Variants in DOK5 observed in about 807,000 individuals in gnomAD.
DOK5 encodes the protein docking protein 5, also known as downstream of tyrosine kinase 5.
In DOK5, 27 loss-of-function variants were observed where a neutral mutation model predicts 43.3. That is an observed-to-expected ratio of 0.62 (90% CI 0.46 to 0.86). DOK5 has a LOEUF of 0.86. DOK5 is among the 40% of genes least tolerant of loss of function. DOK5 has a pLI of 0.00. For synonymous variants in DOK5, 146 were observed against 140.1 expected (o/e 1.04, Z -0.30); for missense variants, 373 against 392.9 (o/e 0.95, Z 0.43).
chr20:54,626,693 C>T (rs984695376), intron 6 of DOK5, among the ~76,000 whole-genome samples: 1 of 152,146 alleles, frequency 6.6e-6, no homozygotes, highest in Non-Finnish European at 1.5e-5. Flanking sequence ...GACACATACA[C>T]AGATACATAC....
intron 1 of DOK5, among the ~76,000 whole-genome samples, chr20:54,518,889 C>G (rs938188315): frequency 6.6e-6 from 1 of 152,098 alleles, no homozygotes; most frequent in African/African-American, 2.4e-5. Context: ...AACAAGTGGG[C>G]GAAGGTTATG....
intron 5 of DOK5, among the ~76,000 whole-genome samples, chr20:54,607,637 A>G (rs6014083): frequency 2.0e-5 from 3 of 152,132 alleles, no homozygotes; most frequent in Non-Finnish European, 4.4e-5. Flanking sequence ...CTGTAATCCC[A>G]GCACTTTGGG....
chr20:54,618,582 G>T (rs374247529), intron 6 of DOK5, among the ~76,000 whole-genome samples: 31 of 151,994 alleles, frequency 2.0e-4, no homozygotes, highest in African/African-American at 7.5e-4. Flanking sequence ...TGACCTTGTG[G>T]TCTGCCCGCC....
At chr20:54,626,673 T>C (rs1600748252) in intron 6 of DOK5, among the ~76,000 whole-genome samples, 1 of 152,338 alleles carries the variant, frequency 6.6e-6, no homozygotes, top group East Asian at 1.9e-4. Flanking sequence ...CACATCTACA[T>C]ATATACATAG....
intron 1 of DOK5, among the ~76,000 whole-genome samples, chr20:54,480,293 A>C (rs903020743): frequency 9.8e-5 from 15 of 152,324 alleles, no homozygotes; most frequent in African/African-American, 3.6e-4. Flanking sequence ...GATACAGGTC[A>C]TAAAGACCTT....
At chr20:54,609,926 T>C (rs1986589836) in intron 5 of DOK5, among the ~76,000 whole-genome samples, 2 of 152,172 alleles carry the variant, frequency 1.3e-5, no homozygotes, top group Admixed American at 1.3e-4. Context: ...ATCCTTAAAG[T>C]CATGGTCTGT....
At chr20:54,542,221 G>A (rs1395835942) in intron 1 of DOK5, among the ~76,000 whole-genome samples, 2 of 151,884 alleles carry the variant, frequency 1.3e-5, no homozygotes, top group African/African-American at 4.8e-5. Context: ...CATAGCCATA[G>A]CCCCTGTACC....
At chr20:54,618,576 C>G (rs1185713515) in intron 6 of DOK5, among the ~76,000 whole-genome samples, 1 of 152,136 alleles carries the variant, frequency 6.6e-6, no homozygotes, top group Non-Finnish European at 1.5e-5. Flanking sequence ...AACTCCTGAC[C>G]TTGTGGTCTG....
chr20:54,631,301 T>C (rs1978554998), intron 6 of DOK5, among the ~76,000 whole-genome samples: 1 of 152,042 alleles, frequency 6.6e-6, no homozygotes, highest in African/African-American at 2.4e-5. Flanking sequence ...TAGTCCCAGC[T>C]ACTTGTCGGG....
chr20:54,601,063 G>A (rs183940945), intron 5 of DOK5, among the ~76,000 whole-genome samples: 1 of 152,190 alleles, frequency 6.6e-6, no homozygotes, highest in East Asian at 1.9e-4. Context: ...AAAGCCAGAA[G>A]GATTTACTGA....
intron 1 of DOK5, among the ~76,000 whole-genome samples, chr20:54,524,040 G>C (rs1983501106): frequency 6.6e-6 from 1 of 151,900 alleles, no homozygotes; most frequent in Non-Finnish European, 1.5e-5. Context: ...TGTTAAATGG[G>C]GGTTAACAAT....
At chr20:54,649,034 G>A (rs776967761) in intron 7 of DOK5, among the ~76,000 whole-genome samples, 10 of 152,138 alleles carry the variant, frequency 6.6e-5, no homozygotes, top group South Asian at 2.1e-4. Context: ...ATCATAGATC[G>A]GACCTAAGAT....
At chr20:54,620,360 T>C (rs2033467549) in intron 6 of DOK5, among the ~76,000 whole-genome samples, 1 of 152,180 alleles carries the variant, frequency 6.6e-6, no homozygotes, top group South Asian at 2.1e-4. Context: ...TGTCTCAGCC[T>C]CCCAAGTAGC....
chr20:54,628,773 CCAAACCATA>C, intron 6 of DOK5, among the ~76,000 whole-genome samples: 1 of 152,268 alleles, frequency 6.6e-6, no homozygotes, highest in South Asian at 2.1e-4. Flanking sequence ...ATGCCCCTCA[CCAAACCATA>C]CAAGATGCAT....
At chr20:54,510,807 C>T (rs1268237271) in intron 1 of DOK5, among the ~76,000 whole-genome samples, 1 of 152,140 alleles carries the variant, frequency 6.6e-6, no homozygotes, top group African/African-American at 2.4e-5. Context: ...ACCCCATCTA[C>T]AAATTTGTCC....
intron 7 of DOK5, among the ~76,000 whole-genome samples, chr20:54,648,476 T>G (rs1250150914): frequency 6.6e-6 from 1 of 152,194 alleles, no homozygotes; most frequent in East Asian, 1.9e-4. Flanking sequence ...GGGTAGTCAG[T>G]GGAAGCCCCT....
chr20:54,509,578 G>A (rs897721731), intron 1 of DOK5, among the ~76,000 whole-genome samples: 1 of 152,182 alleles, frequency 6.6e-6, no homozygotes, highest in Admixed American at 6.5e-5. Context: ...ATTTTGGTAA[G>A]CATTTTACAT....
Position 54,588,581 on chromosome 20 carries a change from T to A in DOK5, c.273T>A (p.Thr91=), listed in dbSNP as rs368190048. The change falls in exon 3 of 8, where the codon ACT becomes ACA. Residue 91 remains threonine (T), a synonymous_variant. Transcript: ENST00000262593. Reference sequence around the variant, plus strand: ...ATTTCAATGACGATACCTCCAAGACTTTTGCTTGCGAATCAGGTTTGTCTC... The same window carrying A: ...ATTTCAATGACGATACCTCCAAGACATTTGCTTGCGAATCAGGTTTGTCTC... ...GIYFNDDTSK[T]FACESDLEAD... is the part of the protein sequence containing the mutation. 107 of 1,614,026 alleles carry A rather than the reference T, an allele frequency of 6.6e-5. No homozygotes were observed. Among genetic ancestry groups the A allele is most frequent in the Middle Eastern group, 1.6e-4 (1 of 6,084 alleles).
At chr20:54,515,963 C>T (rs929274722) in intron 1 of DOK5, among the ~76,000 whole-genome samples, 3 of 152,186 alleles carry the variant, frequency 2.0e-5, no homozygotes, top group Non-Finnish European at 2.9e-5. Flanking sequence ...GTCCCTGATT[C>T]GATCCATCTC....
Sources: allele counts gnomAD v4.1 joint callset (sites outside exome capture counted in the v4.1 genomes callset), GRCh38; gene constraint gnomAD v4.1.1; transcripts MANE v1.5; gene names NCBI Gene and HGNC (gene_info 2026-07-23, HGNC 2026-07-21).